Variants in SYN2 observed in about 807,000 individuals in gnomAD.
SYN2 encodes synapsin II, also known as synapsin-2.
A neutral mutation model predicts 50.9 loss-of-function variants in SYN2; 19 were observed. The ratio of observed to expected loss-of-function variants is 0.37; its 90% confidence interval spans 0.26 to 0.55. SYN2 has a LOEUF of 0.55. SYN2 is among the 20% of genes least tolerant of loss of function. The pLI, the probability that SYN2 is intolerant of heterozygous loss-of-function variation, is 0.81. For missense variants in SYN2, 587 were observed against 576.4 expected (o/e 1.02, Z -0.19); for synonymous variants, 255 against 224.9 (o/e 1.13, Z -1.20).
chr3:12,161,900 T>C, intron 6 of SYN2, 112 bp from the exon 7 acceptor site: 5 of 1,426,674 alleles, frequency 3.5e-6, no homozygotes, highest in Non-Finnish European at 4.7e-6. Flanking sequence ...CCCAGATTAG[T>C]GTCTGGATCG....
chr3:12,101,703 G>A (rs1696080461), intron 1 of SYN2, among the ~76,000 whole-genome samples: 1 of 152,154 alleles, frequency 6.6e-6, no homozygotes, highest in Non-Finnish European at 1.5e-5. Flanking sequence ...GAAGAAAATG[G>A]AGGTAAATTA....
chr3:12,006,523 C>A (rs928553729), intron 1 of SYN2, among the ~76,000 whole-genome samples: 1 of 152,148 alleles, frequency 6.6e-6, no homozygotes, highest in African/African-American at 2.4e-5. Context: ...AGCATGATAT[C>A]TCATTGCATT....
intron 12 of SYN2, among the ~76,000 whole-genome samples, chr3:12,188,443 G>T (rs186096098): frequency 1.8e-4 from 28 of 152,300 alleles, no homozygotes; most frequent in African/African-American, 2.6e-4. Context: ...AGCCTTAGGG[G>T]GATGGTAAGG....
chr3:12,116,030 T>C (rs573377160), intron 1 of SYN2, among the ~76,000 whole-genome samples: 1 of 152,288 alleles, frequency 6.6e-6, no homozygotes, highest in Admixed American at 6.5e-5. Flanking sequence ...GAATGAGTCA[T>C]TGAGTCAGGA....
chr3:12,050,372 G>T (rs56804045), intron 1 of SYN2, among the ~76,000 whole-genome samples: 11,964 of 124,346 alleles, frequency 0.096, 1,630 homozygotes, highest in African/African-American at 0.31. Context: ...TGGAGATAGA[G>T]TTTTGCTCTG....
intron 1 of SYN2, among the ~76,000 whole-genome samples, chr3:12,096,442 C>T (rs1375380784): frequency 6.6e-6 from 1 of 152,076 alleles, no homozygotes; most frequent in South Asian, 2.1e-4. Context: ...AGAAGGACAT[C>T]CTCACTAATA....
intron 11 of SYN2, chr3:12,184,201 A>T: frequency 1.0e-6 from 1 of 985,678 alleles, no homozygotes; most frequent in Non-Finnish European, 1.2e-6. Flanking sequence ...TTATTAACTA[A>T]TTAACTATGA....
chr3:12,047,819 G>A (rs73813110), intron 1 of SYN2, among the ~76,000 whole-genome samples: 13,699 of 152,122 alleles, frequency 0.09, 2,005 homozygotes, highest in African/African-American at 0.31. Flanking sequence ...CTCATTAGTT[G>A]TTGGAGTTGT....
chr3:12,025,703 G>A (rs892922262), intron 1 of SYN2, among the ~76,000 whole-genome samples: 2 of 151,990 alleles, frequency 1.3e-5, no homozygotes, highest in African/African-American at 2.4e-5. Flanking sequence ...CTGAAAGTCC[G>A]TCATATAAGT....
chr3:12,050,352 T>A (rs1173308091), intron 1 of SYN2, among the ~76,000 whole-genome samples: 3 of 127,118 alleles, frequency 2.4e-5, no homozygotes, highest in Admixed American at 2.2e-4. Context: ...TTTTTTTTTT[T>A]TTTTTTTTTT....
At chr3:12,158,706 TGC>T in intron 5 of SYN2, 1 of 1,610,388 alleles carries the variant, frequency 6.2e-7, no homozygotes, top group South Asian at 1.1e-5. Context: ...ACTCACCAAG[TGC>T]CGAGTGGCAG....
intron 1 of SYN2, among the ~76,000 whole-genome samples, chr3:12,091,396 CTGTT>C (rs1440135959): frequency 1.3e-5 from 2 of 152,200 alleles, no homozygotes; most frequent in East Asian, 1.9e-4. Flanking sequence ...ATTTGCCAAA[CTGTT>C]TGCTGTGATC....
At chr3:12,020,368 CTCT>C (rs776962583) in intron 1 of SYN2, among the ~76,000 whole-genome samples, 1 of 144,954 alleles carries the variant, frequency 6.9e-6, no homozygotes, top group Non-Finnish European at 1.5e-5. Flanking sequence ...CAACATCCTC[CTCT>C]TCTTCTGTCC....
chr3:12,167,113 G>T, intron 7 of SYN2, 121 bp from the exon 8 acceptor site: 5 of 977,426 alleles, frequency 5.1e-6, no homozygotes, highest in Non-Finnish European at 6.2e-6. Context: ...AGACCCCTGG[G>T]CTACTTGTGG....
At chr3:12,109,758 C>T (rs938865567) in intron 1 of SYN2, among the ~76,000 whole-genome samples, 19 of 152,228 alleles carry the variant, frequency 1.2e-4, no homozygotes, top group South Asian at 4.1e-4. Flanking sequence ...GAAGTCTGCC[C>T]GTGCAAGAGG....
At chr3:12,158,577 A>G (rs1018731642) in intron 5 of SYN2, 29 of 1,427,968 alleles carry the variant, frequency 2.0e-5, no homozygotes, top group Non-Finnish European at 2.7e-5. Flanking sequence ...CATCAGCCTC[A>G]GCAAGAGACA....
chr3:12,070,294 G>C, intron 1 of SYN2: 1 of 492,010 alleles, frequency 2.0e-6, no homozygotes, highest in African/African-American at 2.0e-5. Context: ...ATTTGCTGGG[G>C]ACGACGCCCC....
intron 7 of SYN2, among the ~76,000 whole-genome samples, chr3:12,163,534 CCCT>C (rs1162946842): frequency 1.3e-5 from 2 of 152,058 alleles, no homozygotes; most frequent in African/African-American, 4.8e-5. Flanking sequence ...TTTTGTGTCA[CCCT>C]CCTCCTCCAG....
chr3:12,086,914 G>A (rs1238628516), intron 1 of SYN2, among the ~76,000 whole-genome samples: 2 of 152,086 alleles, frequency 1.3e-5, no homozygotes, highest in Non-Finnish European at 2.9e-5. Context: ...AAAGGAGGAA[G>A]GGAAATTGTT....
Sources: gnomAD v4.1 joint callset for allele counts (sites outside exome capture counted in the v4.1 genomes callset) on GRCh38, gnomAD v4.1.1 for gene constraint, MANE v1.5 for transcripts, NCBI Gene and HGNC (gene_info 2026-07-23, HGNC 2026-07-21) for gene names.